Variants in TNNI3K observed in about 807,000 individuals in gnomAD.
TNNI3K encodes serine/threonine-protein kinase TNNI3K.
Under a neutral mutation model 114.5 loss-of-function variants are expected in TNNI3K, and 140 were observed. That is an observed-to-expected ratio of 1.22 (90% confidence interval 1.07 to 1.41). The LOEUF is 1.41. Ranked by LOEUF, TNNI3K falls within the 40% of genes most tolerant of loss-of-function variation. The pLI is 0.00. For synonymous variants in TNNI3K, 347 were observed against 347.5 expected (o/e 1.00, Z 0.02); for missense variants, 1,125 against 1,007.6 (o/e 1.12, Z -1.58).
At chr1:74,471,634 C>A in intron 21 of TNNI3K, 1 of 400,574 alleles carries the variant, frequency 2.5e-6, no homozygotes, top group South Asian at 1.3e-4. Flanking sequence ...ATTTTTCTGT[C>A]GTTTCCAAGG....
chr1:74,244,715 A>G (rs1247269821), intron 2 of TNNI3K, among the ~76,000 whole-genome samples: 1 of 150,794 alleles, frequency 6.6e-6, no homozygotes, highest in African/African-American at 2.4e-5. Flanking sequence ...TCTTGAAAAC[A>G]ACCTGAAGTG....
At chr1:74,401,018 A>G (rs2100590407) in intron 17 of TNNI3K, among the ~76,000 whole-genome samples, 1 of 152,368 alleles carries the variant, frequency 6.6e-6, no homozygotes, top group South Asian at 2.1e-4. Context: ...GGAAAGTTTT[A>G]AAGTCTTTAA....
chr1:74,353,857 A>G (rs1370180755), intron 10 of TNNI3K, 123 bp from the exon 11 acceptor site: 13 of 1,352,656 alleles, frequency 9.6e-6, no homozygotes, highest in Non-Finnish European at 1.3e-5. Context: ...TTTATCAAAG[A>G]AATCAATCCT....
At chr1:74,247,098 A>G (rs1041872418) in intron 2 of TNNI3K, among the ~76,000 whole-genome samples, 42 of 152,284 alleles carry the variant, frequency 2.8e-4, no homozygotes, top group Non-Finnish European at 5.9e-4. Context: ...TTCAAGAATG[A>G]AGCCGCGGAC....
At chr1:74,363,754 G>A in intron 11 of TNNI3K, among the ~76,000 whole-genome samples, 1 of 151,828 alleles carries the variant, frequency 6.6e-6, no homozygotes, top group Non-Finnish European at 1.5e-5. Flanking sequence ...ATTCCCCCAA[G>A]AAGTGTCTCC....
chr1:74,336,242 G>T, intron 7 of TNNI3K, 93 bp downstream of exon 7: 1 of 1,446,050 alleles, frequency 6.9e-7, no homozygotes, highest in Non-Finnish European at 9.1e-7. Context: ...TCTTGAAGTT[G>T]ACTAATCCTG....
intron 9 of TNNI3K, among the ~76,000 whole-genome samples, chr1:74,351,893 C>G (rs1661369103): frequency 6.6e-6 from 1 of 151,990 alleles, no homozygotes; most frequent in South Asian, 2.1e-4. Flanking sequence ...AAGTTTTTAA[C>G]TTCTTTGTCA....
chr1:74,408,663 C>T (rs992188124), intron 17 of TNNI3K, among the ~76,000 whole-genome samples: 7 of 152,158 alleles, frequency 4.6e-5, no homozygotes, highest in African/African-American at 1.7e-4. Context: ...TCATCAGTTA[C>T]TCAAGTTAGT....
At chr1:74,497,543 T>G (rs1469863414) in intron 23 of TNNI3K, among the ~76,000 whole-genome samples, 1 of 151,598 alleles carries the variant, frequency 6.6e-6, no homozygotes, top group Non-Finnish European at 1.5e-5. Context: ...ATCCCATGGC[T>G]TCAACTCACA....
intron 17 of TNNI3K, 24 bp from the exon 18 acceptor site, chr1:74,436,054 ACT>A: frequency 8.2e-7 from 1 of 1,220,962 alleles, no homozygotes; most frequent in Non-Finnish European, 1.1e-6. Flanking sequence ...CTCAATGTCT[ACT>A]TTTTTTTTTT....
At chr1:74,375,360 A>G (rs1662853752) in intron 17 of TNNI3K, 1 of 215,508 alleles carries the variant, frequency 4.6e-6, no homozygotes, top group Non-Finnish European at 1.0e-5. Flanking sequence ...AAACTAAGAC[A>G]ATAATAGCCC....
At chr1:74,345,625 C>A (rs1246691235) in intron 9 of TNNI3K, among the ~76,000 whole-genome samples, 2 of 152,142 alleles carry the variant, frequency 1.3e-5, no homozygotes, top group Admixed American at 6.6e-5. Flanking sequence ...AGTCCCTATG[C>A]CCTTCCTTTA....
intron 23 of TNNI3K, among the ~76,000 whole-genome samples, chr1:74,518,075 G>C (rs1175736298): frequency 6.6e-6 from 1 of 152,190 alleles, no homozygotes; most frequent in Non-Finnish European, 1.5e-5. Flanking sequence ...TAGGGCAGCC[G>C]TGTGCAGGTT....
intron 17 of TNNI3K, among the ~76,000 whole-genome samples, chr1:74,379,120 G>A (rs1663070084): frequency 6.6e-6 from 1 of 151,992 alleles, no homozygotes; most frequent in South Asian, 2.1e-4. Flanking sequence ...TTAAAAGCAT[G>A]AGAATAGCTT....
intron 21 of TNNI3K, among the ~76,000 whole-genome samples, chr1:74,463,770 T>C (rs536756389): frequency 1.3e-5 from 2 of 152,252 alleles, no homozygotes; most frequent in South Asian, 4.1e-4. Context: ...CACAACTGAT[T>C]AGTAAAAGAG....
intron 17 of TNNI3K, among the ~76,000 whole-genome samples, chr1:74,412,829 G>A (rs1212728621): frequency 6.6e-6 from 1 of 152,122 alleles, no homozygotes; most frequent in Non-Finnish European, 1.5e-5. Flanking sequence ...AGCCAGGCTG[G>A]CGTCGAACTC....
chr1:74,237,328 T>C (rs544560145), intron 2 of TNNI3K, among the ~76,000 whole-genome samples: 71 of 152,098 alleles, frequency 4.7e-4, no homozygotes, highest in African/African-American at 1.5e-3. Flanking sequence ...TGTAGAAATA[T>C]GACTGGCATG....
At chr1:74,288,476 A>G (rs1477620908) in intron 5 of TNNI3K, among the ~76,000 whole-genome samples, 1 of 152,110 alleles carries the variant, frequency 6.6e-6, no homozygotes, top group Non-Finnish European at 1.5e-5. Flanking sequence ...AGCAACATGA[A>G]TGAACTGGGA....
intron 17 of TNNI3K, among the ~76,000 whole-genome samples, chr1:74,399,016 C>T (rs1341488550): frequency 6.6e-6 from 1 of 151,734 alleles, no homozygotes; most frequent in Admixed American, 6.6e-5. Flanking sequence ...ATTAGCCAGG[C>T]ATGGTGGCGG....
Sources: gnomAD v4.1 joint callset for allele counts (sites outside exome capture counted in the v4.1 genomes callset) on GRCh38, gnomAD v4.1.1 for gene constraint, MANE v1.5 for transcripts, NCBI Gene and HGNC (gene_info 2026-07-23, HGNC 2026-07-21) for gene names.